TRMT1L: variants seen among roughly 807,000 people sequenced by gnomAD.
TRMT1L encodes tRNA (guanine(27)-N(2))-dimethyltransferase.
Under a neutral mutation model 81.6 loss-of-function variants are expected in TRMT1L, and 28 were observed. The ratio of observed to expected loss-of-function variants is 0.34; its 90% confidence interval spans 0.25 to 0.47. The LOEUF is 0.47. TRMT1L is among the 20% of genes least tolerant of loss of function. The probability of loss-of-function intolerance (pLI) is 1.00; values close to 1 mark genes in which losing one functional copy is unlikely to be tolerated. For missense variants in TRMT1L, 739 were observed against 877.1 expected (o/e 0.84, Z 1.99); for synonymous variants, 301 against 303.2 (o/e 0.99, Z 0.07).
chr1:185,148,608 A>G (rs1653250976), intron 3 of TRMT1L, among the ~76,000 whole-genome samples: 1 of 152,226 alleles, frequency 6.6e-6, no homozygotes, highest in South Asian at 2.1e-4. Context: ...GTAAGTAAAG[A>G]AATATCACAA....
rs563266252 is a variant in TRMT1L, at chr1:185,143,306, C to T, written c.859+51G>A. 4.1e-6 allele frequency: 6 copies of T among 1,475,410 alleles called. No individual in the cohort carries two copies. In the Admixed American group the frequency reaches 1.0e-4, roughly 25 times the overall value. 91.4% of individuals were successfully genotyped at this position (1,475,410 alleles called of 1,614,324 possible). On this transcript the variant is annotated intron_variant, in intron 7 of 14. Coordinates refer to ENST00000367506, the MANE Select transcript of TRMT1L (RefSeq NM_030934.5). ...CATATATATTTTCTAAGAAAAAATA[C>T]TGTAAAATTGAATAAATAAAATGGG...
At chr1:185,141,683 G>A (rs1653048827) in intron 7 of TRMT1L, among the ~76,000 whole-genome samples, 3 of 152,260 alleles carry the variant, frequency 2.0e-5, no homozygotes. Context: ...CAGCCTGGGT[G>A]ACAGAGCGAA....
rs1216248998 is a variant in TRMT1L, at chr1:185,118,318, A to T, written c.*1701T>A. The T allele has an allele frequency of 6.6e-6, 1 of 152,194 alleles. No homozygotes were observed. Among genetic ancestry groups the T allele is most frequent in the Non-Finnish European group, 1.5e-5 (1 of 68,032 alleles). The allele number at this position is 152,194 out of a possible 1,614,324, so 9.4% of individuals were successfully genotyped here. Reference sequence around the variant, plus strand: ...ATTTTTCTTTGAAAAATCTACCTTTATATGTGAAATTAATATACACATATA... The same window carrying T: ...ATTTTTCTTTGAAAAATCTACCTTTTTATGTGAAATTAATATACACATATA... On this transcript the variant is annotated 3_prime_UTR_variant, in exon 15 of 15. Transcript: ENST00000367506.
intron 4 of TRMT1L, 69 bp from the exon 5 acceptor site, chr1:185,145,637 T>C: frequency 6.8e-7 from 1 of 1,474,096 alleles, no homozygotes; most frequent in South Asian, 1.2e-5. Flanking sequence ...GTTTGCAAAT[T>C]TAAGTACATT....
intron 11 of TRMT1L, among the ~76,000 whole-genome samples, chr1:185,125,505 A>G (rs1220976472): frequency 1.3e-5 from 2 of 152,066 alleles, no homozygotes; most frequent in East Asian, 1.9e-4. Context: ...CATTTTTATC[A>G]TATCAGTTCT....
At chr1:185,120,321 T>C in intron 14 of TRMT1L, 50 bp from the exon 15 acceptor site, 6 of 1,484,644 alleles carry the variant, frequency 4.0e-6, no homozygotes, top group Non-Finnish European at 5.4e-6. Flanking sequence ...GTATTTTTAT[T>C]TAAATCACAA....
chr1:185,132,364 C>A (rs1652792169), intron 10 of TRMT1L, among the ~76,000 whole-genome samples: 1 of 151,508 alleles, frequency 6.6e-6, no homozygotes, highest in Admixed American at 6.6e-5. Context: ...CTAAAAAATA[C>A]AAAAGTTAGC....
In TRMT1L at chr1:185,119,765, G is replaced by A. The variant is rs1557982710; in HGVS notation, c.*254C>T. Reference sequence around the variant, plus strand: ...AATTTTCTGAATTATTAAGCAGTAGGGTGATCTCAGTGAGACTTGGCTTCA... The same window carrying A: ...AATTTTCTGAATTATTAAGCAGTAGAGTGATCTCAGTGAGACTTGGCTTCA... On this transcript the variant is annotated 3_prime_UTR_variant, in exon 15 of 15. Coordinates refer to ENST00000367506, the MANE Select transcript of TRMT1L (RefSeq NM_030934.5). 1 of 362,082 alleles carries A rather than the reference G, an allele frequency of 2.8e-6. No homozygotes were observed. Among genetic ancestry groups the A allele is most frequent in the African/African-American group, 2.1e-5 (1 of 48,702 alleles). The allele number at this position is 362,082 out of a possible 1,614,324, so 22.4% of individuals were successfully genotyped here.
chr1:185,153,824 ATTATG>A (rs1313963519), intron 1 of TRMT1L, among the ~76,000 whole-genome samples: 2 of 152,202 alleles, frequency 1.3e-5, no homozygotes, highest in African/African-American at 2.4e-5. Context: ...GCTCTCTAAT[ATTATG>A]TTATTAGGTT....
At chr1:185,152,818 G>C (rs1471969849) in intron 1 of TRMT1L, among the ~76,000 whole-genome samples, 4 of 152,156 alleles carry the variant, frequency 2.6e-5, no homozygotes, top group Admixed American at 6.5e-5. Context: ...AAGGGGAAAA[G>C]AGAAAGGAAA....
At chr1:185,138,427 T>G (rs1235121048) in intron 9 of TRMT1L, among the ~76,000 whole-genome samples, 1 of 152,154 alleles carries the variant, frequency 6.6e-6, no homozygotes, top group African/African-American at 2.4e-5. Flanking sequence ...TTCAGGTAAT[T>G]AGAAACAACC....
intron 7 of TRMT1L, among the ~76,000 whole-genome samples, 173 bp downstream of exon 7, chr1:185,143,184 G>C (rs1653095782): frequency 6.6e-6 from 1 of 151,924 alleles, no homozygotes; most frequent in Non-Finnish European, 1.5e-5. Context: ...TGGATACACA[G>C]AGACTCACTT....
In TRMT1L at chr1:185,151,774, T is replaced by C. The variant is rs780212516; in HGVS notation, c.346+51A>G. 4 of 1,208,966 alleles carry C rather than the reference T, an allele frequency of 3.3e-6. No individual in the cohort carries two copies. The South Asian group carries it at 5.9e-5, about 18-fold the overall frequency. The allele number at this position is 1,208,966 out of a possible 1,614,324, so 74.9% of individuals were successfully genotyped here. Reference sequence around the variant, plus strand: ...AAACTTATTTTTGTGAATTGAAAGATGATAAATTATTAGAAACTAAGAAAA... The same window carrying C: ...AAACTTATTTTTGTGAATTGAAAGACGATAAATTATTAGAAACTAAGAAAA... On this transcript the variant is annotated intron_variant, in intron 2 of 14. Coordinates refer to ENST00000367506, the MANE Select transcript of TRMT1L (RefSeq NM_030934.5).
At position 185,120,276 on chromosome 1, in the gene TRMT1L, A is replaced by C; in HGVS notation, c.1950-5T>G. On this transcript the variant is annotated splice_polypyrimidine_tract_variant and splice_region_variant and intron_variant, in intron 14 of 14. Coordinates refer to ENST00000367506, the MANE Select transcript of TRMT1L (RefSeq NM_030934.5). ...TAGCACAAAAACTTTTTTAACCTGC[A>C]AAAAGGAAAGGAAAGAAAAAATAAT... The C allele has an allele frequency of 6.5e-7, 1 of 1,534,742 alleles. No individual in the cohort carries two copies. Among genetic ancestry groups the C allele is most frequent in the Non-Finnish European group, 8.8e-7 (1 of 1,141,400 alleles).
chr1:185,128,558 G>T, intron 11 of TRMT1L, 111 bp downstream of exon 11: 1 of 1,020,318 alleles, frequency 9.8e-7, no homozygotes, highest in Non-Finnish European at 1.5e-6. Flanking sequence ...TATTTGCCTA[G>T]ACTTAACAAT....
intron 1 of TRMT1L, among the ~76,000 whole-genome samples, chr1:185,155,320 C>A (rs1208833314): frequency 6.6e-6 from 1 of 152,114 alleles, no homozygotes; most frequent in Non-Finnish European, 1.5e-5. Context: ...GAGGGTGGAA[C>A]CCTCTCAGCT....
rs755079424 is a variant in TRMT1L at position 185,151,955 on chromosome 1, A to T, written c.236-20T>A. 6.8e-7 allele frequency: 1 copy of T among 1,477,168 alleles called. No homozygotes were observed. Among genetic ancestry groups the T allele is most frequent in the African/African-American group, 1.4e-5 (1 of 69,994 alleles). The allele number at this position is 1,477,168 out of a possible 1,614,324, so 91.5% of individuals were successfully genotyped here. A position where few individuals can be genotyped will look rare whatever the true frequency, so the allele number is the denominator to read the frequency against. On this transcript the variant is annotated intron_variant, in intron 1 of 14. Transcript: ENST00000367506. ...GTCTCTCTGAAAAAAAAAATTGAGA[A>T]GATTATGCTTTAACAGTTTGTATTC...
Position 185,143,361 on chromosome 1 carries a change from G to A in TRMT1L, c.855C>T (p.Ala285=). Residue 285 remains alanine (A), a synonymous_variant, in exon 7 of 15, where the codon GCC becomes GCT. Coordinates refer to ENST00000367506, the MANE Select transcript of TRMT1L (RefSeq NM_030934.5). ...CAAAAAAGTGTCCTCACTTACCAGT[G>A]GCTCCAAAAGCATCTAGACATTCCA... ...KPLECLDAFG[A]TGIMGLQWAK... 1 of 1,596,668 alleles carries A rather than the reference G, an allele frequency of 6.3e-7. No individual in the cohort carries two copies. Among genetic ancestry groups the A allele is most frequent in the African/African-American group, 1.4e-5 (1 of 73,990 alleles).
chr1:185,134,332 C>T (rs1353435937), intron 10 of TRMT1L, among the ~76,000 whole-genome samples: 1 of 152,086 alleles, frequency 6.6e-6, no homozygotes, highest in Non-Finnish European at 1.5e-5. Flanking sequence ...GCTGGGATTA[C>T]AGGTGCCCGC....
Sources: allele counts gnomAD v4.1 joint callset (sites outside exome capture counted in the v4.1 genomes callset), GRCh38; gene constraint gnomAD v4.1.1; transcripts MANE v1.5; gene names NCBI Gene and HGNC (gene_info 2026-07-23, HGNC 2026-07-21).